MICU1: variants seen among roughly 807,000 people sequenced by gnomAD.
MICU1 encodes calcium uptake protein 1, mitochondrial.
MICU1 carries 45 observed loss-of-function variants against 56.8 expected under a neutral mutation model. The ratio of observed to expected loss-of-function variants is 0.79; its 90% CI spans 0.62 to 1.02. The LOEUF (loss-of-function observed/expected upper bound fraction) is 1.02, where lower values mean the gene tolerates loss of function less well. MICU1 is among the 50% of genes least tolerant of loss of function. MICU1 has a pLI of 0.00. For missense variants in MICU1, 504 were observed against 587.1 expected (o/e 0.86, Z 1.46); for synonymous variants, 186 against 195.1 (o/e 0.95, Z 0.39).
At chr10:72,556,934 G>A (rs770262563) in intron 3 of MICU1, among the ~76,000 whole-genome samples, 13 of 151,756 alleles carry the variant, frequency 8.6e-5, no homozygotes, top group Non-Finnish European at 1.9e-4. Flanking sequence ...GCGTAGTGTC[G>A]GGTGTCTGTA....
rs1173322978 is a variant in MICU1 at position 72,500,253 on chromosome 10, CATACATACATATATATAT to C, written c.652+7884_652+7901del. Among the ~76,000 whole-genome samples the C allele has an allele frequency of 4.0e-4, 20 of 49,952 alleles. 1 individual carries two copies. Among genetic ancestry groups the C allele is most frequent in the African/African-American group, 1.9e-3 (16 of 8,334 alleles). 32.8% of individuals were successfully genotyped at this position (49,952 alleles called of 152,430 possible). Reference sequence around the variant, plus strand: ...TTAATGATAAACTATTATATACATACATACATACATATATATATATATATATATATATATATATATATA... The same window carrying C: ...TTAATGATAAACTATTATATACATACATATATATATATATATATATATATA... On this transcript the variant is annotated intron_variant, in intron 6 of 11. Transcript: ENST00000361114.
chr10:72,422,280 G>A (rs1435054374), intron 9 of MICU1, among the ~76,000 whole-genome samples: 2 of 152,198 alleles, frequency 1.3e-5, no homozygotes, highest in African/African-American at 4.8e-5. Flanking sequence ...TACCTGCAAG[G>A]CAGGAGGAGA....
intron 1 of MICU1, among the ~76,000 whole-genome samples, chr10:72,586,569 T>C (rs1841067440): frequency 6.6e-6 from 1 of 151,858 alleles, no homozygotes; most frequent in Non-Finnish European, 1.5e-5. Context: ...GGAGAATCAC[T>C]TGAACTCAGG....
intron 1 of MICU1, among the ~76,000 whole-genome samples, chr10:72,603,610 G>A (rs1002167868): frequency 6.6e-6 from 1 of 151,930 alleles, no homozygotes; most frequent in Non-Finnish European, 1.5e-5. Flanking sequence ...TTCGACACCA[G>A]CCTGACCAAC....
intron 6 of MICU1, among the ~76,000 whole-genome samples, chr10:72,496,599 A>T (rs532210217): frequency 1.3e-5 from 2 of 151,878 alleles, no homozygotes; most frequent in East Asian, 3.9e-4. Flanking sequence ...ACCGTGCCTG[A>T]CTGCCCAGCT....
chr10:72,513,529 G>C (rs1867550906), intron 5 of MICU1, among the ~76,000 whole-genome samples: 1 of 152,094 alleles, frequency 6.6e-6, no homozygotes, highest in Non-Finnish European at 1.5e-5. Context: ...TCTTGATAAT[G>C]TCCTATGAAG....
intron 5 of MICU1, among the ~76,000 whole-genome samples, chr10:72,511,902 A>G (rs1477364528): frequency 6.6e-6 from 1 of 152,060 alleles, no homozygotes; most frequent in Non-Finnish European, 1.5e-5. Context: ...GGTGGTGCCC[A>G]TCAACATTGA....
intron 1 of MICU1, among the ~76,000 whole-genome samples, chr10:72,598,643 T>C (rs1248080943): frequency 6.6e-6 from 1 of 152,142 alleles, no homozygotes; most frequent in African/African-American, 2.4e-5. Context: ...CCATTAATGT[T>C]TTCCTGAGAT....
rs536896733 is a variant in MICU1 at position 72,405,481 on chromosome 10, A to T, written c.1180+2448T>A. On this transcript the variant is annotated intron_variant, in intron 10 of 11. Transcript: ENST00000361114. The stretch of plus-strand genomic sequence containing the variant: ...GGTGATCCACCTGCCTCGGCCTCCC[A>T]AAGTGCTGGGATAACAGGTGTGAGC... Among the ~76,000 whole-genome samples the T allele has an allele frequency of 1.5e-4, 23 of 152,158 alleles. No homozygotes were observed. In the East Asian group the frequency reaches 4.4e-3, roughly 29 times the overall value.
At chr10:72,433,596 T>G (rs1864616146) in intron 8 of MICU1, among the ~76,000 whole-genome samples, 1 of 151,708 alleles carries the variant, frequency 6.6e-6, no homozygotes, top group Non-Finnish European at 1.5e-5. Flanking sequence ...CCTGGCTAAT[T>G]TTTTTGTATT....
chr10:72,599,345 T>C (rs1222486857), intron 1 of MICU1, among the ~76,000 whole-genome samples: 1 of 152,192 alleles, frequency 6.6e-6, no homozygotes, highest in African/African-American at 2.4e-5. Flanking sequence ...ATATTTAAAA[T>C]ATTAAATGTG....
At chr10:72,514,359 T>C (rs1023360631) in intron 5 of MICU1, among the ~76,000 whole-genome samples, 2 of 152,062 alleles carry the variant, frequency 1.3e-5, no homozygotes, top group Admixed American at 1.3e-4. Flanking sequence ...TTTCTTTCTG[T>C]GATTGGGCTG....
At chr10:72,455,599 A>G (rs972144823) in intron 8 of MICU1, among the ~76,000 whole-genome samples, 1 of 152,192 alleles carries the variant, frequency 6.6e-6, no homozygotes, top group Non-Finnish European at 1.5e-5. Context: ...ATCACAGAAA[A>G]TAAGCTACAA....
chr10:72,424,937 C>T (rs1864299562), intron 8 of MICU1, among the ~76,000 whole-genome samples: 1 of 152,144 alleles, frequency 6.6e-6, no homozygotes, highest in Non-Finnish European at 1.5e-5. Context: ...TTCAACACTG[C>T]CACTCAATTT....
intron 4 of MICU1, among the ~76,000 whole-genome samples, chr10:72,544,490 AG>A (rs1453897251): frequency 6.6e-6 from 1 of 152,220 alleles, no homozygotes; most frequent in East Asian, 1.9e-4. Flanking sequence ...TAATAAGGTC[AG>A]CCAGTTGGAT....
chr10:72,375,478 G>A (rs189858651), intron 11 of MICU1, among the ~76,000 whole-genome samples: 3 of 152,164 alleles, frequency 2.0e-5, no homozygotes, highest in East Asian at 1.9e-4. Flanking sequence ...CTCCGTATCC[G>A]CTAAGTAGCA....
chr10:72,419,940 T>C (rs1453426413), intron 9 of MICU1, among the ~76,000 whole-genome samples: 2 of 152,220 alleles, frequency 1.3e-5, no homozygotes, highest in African/African-American at 4.8e-5. Context: ...AATTGAATCA[T>C]GAGGGTAGGT....
chr10:72,601,802 CTTT>C (rs199587505), intron 1 of MICU1, among the ~76,000 whole-genome samples: 3 of 143,444 alleles, frequency 2.1e-5, no homozygotes, highest in Admixed American at 7.1e-5. Context: ...TTTTCTTTTT[CTTT>C]TTTTTTTTTT....
intron 6 of MICU1, among the ~76,000 whole-genome samples, chr10:72,505,523 G>A (rs372610484): frequency 1.8e-4 from 28 of 152,218 alleles, no homozygotes; most frequent in South Asian, 8.3e-4. Context: ...TATGTTCATC[G>A]CAGATTTATT....
Sources: allele counts gnomAD v4.1 joint callset (sites outside exome capture counted in the v4.1 genomes callset), GRCh38; gene constraint gnomAD v4.1.1; transcripts MANE v1.5; gene names NCBI Gene and HGNC (gene_info 2026-07-23, HGNC 2026-07-21).